RPS6KA5: variants seen among roughly 807,000 people sequenced by gnomAD.
RPS6KA5 encodes ribosomal protein S6 kinase A5, also known as ribosomal protein S6 kinase alpha-5.
Under a neutral mutation model 85.5 loss-of-function variants are expected in RPS6KA5, and 27 were observed. The ratio of observed to expected loss-of-function variants is 0.32; its 90% CI spans 0.23 to 0.44. RPS6KA5 has a LOEUF of 0.44. Ranked by LOEUF, RPS6KA5 falls within the 20% of genes least tolerant of loss-of-function variation. The pLI is 1.00. For synonymous variants in RPS6KA5, 334 were observed against 348.2 expected, an observed-to-expected ratio of 0.96 and a Z score of 0.46; for missense variants, 811 against 980.9, an observed-to-expected ratio of 0.83 and a Z score of 2.31.
rs186016709 is a variant in RPS6KA5, at chr14:90,926,986, T to G, written c.619-3790A>C. Among the ~76,000 whole-genome samples the G allele has an allele frequency of 1.9e-3, 291 of 152,240 alleles. 4 individuals carry two copies. Among genetic ancestry groups the G allele is most frequent in the Non-Finnish European group, 3.1e-4 (21 of 67,986 alleles). ...AATAACTGCACAGTAATGATTGATTTGTGGAAATTTAGCAGGTAGGACTAA... is the reference window on the plus strand; with the variant it reads ...AATAACTGCACAGTAATGATTGATTGGTGGAAATTTAGCAGGTAGGACTAA... On this transcript the variant is annotated intron_variant, in intron 5 of 16. Coordinates refer to ENST00000614987, the MANE Select transcript of RPS6KA5 (RefSeq NM_004755.4).
At chr14:90,893,815 GAGTT>G (rs1484955226) in intron 13 of RPS6KA5, among the ~76,000 whole-genome samples, 1 of 152,132 alleles carries the variant, frequency 6.6e-6, no homozygotes, top group Non-Finnish European at 1.5e-5. Context: ...ATCATTCTAA[GAGTT>G]AGAACATTCT....
intron 1 of RPS6KA5, among the ~76,000 whole-genome samples, chr14:91,006,927 G>A (rs8005489): frequency 0.13 from 20,398 of 152,238 alleles, 1,663 homozygotes; most frequent in East Asian, 0.31. Flanking sequence ...ATAATTAGAT[G>A]TAGTTGGAAG....
At chr14:90,987,795 T>C (rs972707755) in intron 2 of RPS6KA5, among the ~76,000 whole-genome samples, 1 of 152,150 alleles carries the variant, frequency 6.6e-6, no homozygotes, top group Non-Finnish European at 1.5e-5. Context: ...TAGACACAAA[T>C]GGTTACTGCT....
chr14:90,957,100 T>C (rs2038562537), intron 3 of RPS6KA5, among the ~76,000 whole-genome samples: 1 of 152,112 alleles, frequency 6.6e-6, no homozygotes, highest in African/African-American at 2.4e-5. Context: ...AGTCTCACTC[T>C]GTCACCCACA....
chr14:90,916,024 C>T (rs1417765244), intron 7 of RPS6KA5, among the ~76,000 whole-genome samples: 1 of 151,824 alleles, frequency 6.6e-6, no homozygotes, highest in Non-Finnish European at 1.5e-5. Flanking sequence ...TAATGAATAG[C>T]TAAAAGATTT....
At chr14:91,035,847 CA>C (rs199625173) in intron 1 of RPS6KA5, among the ~76,000 whole-genome samples, 88 of 69,764 alleles carry the variant, frequency 1.3e-3, no homozygotes, top group Non-Finnish European at 1.8e-3. Context: ...CCCTCACCTT[CA>C]AAAAAAAAAA....
At chr14:90,910,852 A>AT (rs1243744327) in intron 7 of RPS6KA5, among the ~76,000 whole-genome samples, 3 of 151,716 alleles carry the variant, frequency 2.0e-5, no homozygotes, top group East Asian at 1.9e-4. Flanking sequence ...CGCCCGGCTA[A>AT]TTTTTTGTAT....
intron 1 of RPS6KA5, among the ~76,000 whole-genome samples, chr14:91,053,993 T>C (rs1020676876): frequency 1.3e-5 from 2 of 152,238 alleles, no homozygotes; most frequent in African/African-American, 4.8e-5. Flanking sequence ...GAGAGACATA[T>C]AGATCACTGG....
chr14:90,997,693 C>T (rs969007647), intron 2 of RPS6KA5, among the ~76,000 whole-genome samples: 1 of 152,052 alleles, frequency 6.6e-6, no homozygotes, highest in African/African-American at 2.4e-5. Flanking sequence ...TATATCTGTA[C>T]AATGAAACAG....
chr14:90,885,095 A>G (rs1487990361), intron 14 of RPS6KA5, among the ~76,000 whole-genome samples: 1 of 151,934 alleles, frequency 6.6e-6, no homozygotes, highest in Admixed American at 6.6e-5. Flanking sequence ...TCTACAAAAA[A>G]TACAAAAATT....
intron 2 of RPS6KA5, among the ~76,000 whole-genome samples, chr14:90,991,558 C>T (rs889585236): frequency 3.3e-5 from 5 of 151,742 alleles, no homozygotes; most frequent in Non-Finnish European, 5.9e-5. Flanking sequence ...AAAAATTATC[C>T]GGGCATGGTG....
At chr14:90,955,170 C>G (rs1206481688) in intron 3 of RPS6KA5, among the ~76,000 whole-genome samples, 2 of 152,118 alleles carry the variant, frequency 1.3e-5, no homozygotes, top group Non-Finnish European at 2.9e-5. Flanking sequence ...AGGTGGAAGA[C>G]TGGGTTACTG....
chr14:90,895,762 C>T (rs1215419835), intron 12 of RPS6KA5, among the ~76,000 whole-genome samples: 3 of 152,122 alleles, frequency 2.0e-5, no homozygotes, highest in East Asian at 1.9e-4. Flanking sequence ...TGGTGGCGCA[C>T]GCCTACAGTC....
At chr14:90,911,950 G>A (rs1427497729) in intron 7 of RPS6KA5, among the ~76,000 whole-genome samples, 1 of 152,088 alleles carries the variant, frequency 6.6e-6, no homozygotes, top group Non-Finnish European at 1.5e-5. Flanking sequence ...GTGGCAAGGA[G>A]GCAATGGAGT....
chr14:91,015,615 G>A (rs184637205), intron 1 of RPS6KA5, among the ~76,000 whole-genome samples: 3 of 152,184 alleles, frequency 2.0e-5, no homozygotes, highest in East Asian at 1.9e-4. Context: ...ACTTCTACAC[G>A]TAATTCTATT....
intron 4 of RPS6KA5, among the ~76,000 whole-genome samples, chr14:90,947,021 T>C (rs1411119210): frequency 6.6e-6 from 1 of 152,184 alleles, no homozygotes; most frequent in Non-Finnish European, 1.5e-5. Flanking sequence ...GAAATAACTC[T>C]TACTCTCCAA....
In RPS6KA5 at chr14:90,944,224, T is replaced by C. The variant is rs558903419; in HGVS notation, c.511-1039A>G. Among the ~76,000 whole-genome samples, 9 of 152,344 alleles carry C rather than the reference T, an allele frequency of 5.9e-5. No individual in the cohort carries two copies. The South Asian group carries it at 6.2e-4, about 11-fold the overall frequency. The stretch of plus-strand genomic sequence containing the variant: ...ATGTTTTCAGTTATGTCAGCCTGAA[T>C]TAAATGTTTCTAAACTTAGAAATAT... On this transcript the variant is annotated intron_variant, in intron 4 of 16. Coordinates refer to ENST00000614987, the MANE Select transcript of RPS6KA5 (RefSeq NM_004755.4).
chr14:91,014,212 T>G (rs190638750), intron 1 of RPS6KA5, among the ~76,000 whole-genome samples: 1 of 151,762 alleles, frequency 6.6e-6, no homozygotes, highest in Non-Finnish European at 1.5e-5. Context: ...AAAACATGAG[T>G]ATTATAAGGC....
At chr14:90,926,699 A>G (rs1354897857) in intron 5 of RPS6KA5, among the ~76,000 whole-genome samples, 2 of 141,266 alleles carry the variant, frequency 1.4e-5, no homozygotes, top group Non-Finnish European at 3.0e-5. Context: ...GTGTGTGTAC[A>G]TATCTCACAG....
Sources: gnomAD v4.1 joint callset for allele counts (sites outside exome capture counted in the v4.1 genomes callset) on GRCh38, gnomAD v4.1.1 for gene constraint, MANE v1.5 for transcripts, NCBI Gene and HGNC (gene_info 2026-07-23, HGNC 2026-07-21) for gene names.